CHD6: variants seen among roughly 807,000 people sequenced by gnomAD.
CHD6 encodes ATP-dependent chromatin remodeler CHD6.
A neutral mutation model predicts 276.9 loss-of-function variants in CHD6; 50 were observed. The ratio of observed to expected loss-of-function variants is 0.18; its 90% CI spans 0.14 to 0.23. CHD6 has a LOEUF of 0.23. CHD6 is among the 10% of genes least tolerant of loss of function. The pLI, the probability that CHD6 is intolerant of heterozygous loss-of-function variation, is 1.00. For synonymous variants in CHD6, 1,173 were observed against 1,229.3 expected, an observed-to-expected ratio of 0.95 and a Z score of 0.96; for missense variants, 2,564 against 3,365.8, an observed-to-expected ratio of 0.76 and a Z score of 5.89.
chr20:41,446,599 C>T (rs1287465214), intron 24 of CHD6, among the ~76,000 whole-genome samples: 1 of 152,184 alleles, frequency 6.6e-6, no homozygotes, highest in Non-Finnish European at 1.5e-5. Context: ...CTTCTTCCGT[C>T]AGACTCTTAC....
At chr20:41,548,333 C>T (rs182386828) in intron 2 of CHD6, among the ~76,000 whole-genome samples, 20 of 152,242 alleles carry the variant, frequency 1.3e-4, no homozygotes, top group African/African-American at 4.8e-4. Flanking sequence ...AACAAAAACC[C>T]ATCCAACTGA....
intron 18 of CHD6, among the ~76,000 whole-genome samples, chr20:41,456,543 G>A (rs1179170780): frequency 6.6e-6 from 1 of 151,966 alleles, no homozygotes; most frequent in African/African-American, 2.4e-5. Flanking sequence ...TCAATCACAA[G>A]AGGGAATTCC....
intron 10 of CHD6, 92 bp from the exon 11 acceptor site, chr20:41,491,911 T>A: frequency 7.1e-7 from 1 of 1,411,104 alleles, no homozygotes; most frequent in Non-Finnish European, 9.9e-7. Context: ...AATCTCACTG[T>A]CCCAAGGCTG....
chr20:41,451,816 C>T lies in CHD6; in HGVS notation c.3523+10G>A. ...TCGTGCTTCTTAGGCATGGCCCTGCCACCTCTCACCTGAGTGGTTCTGGAG... is the reference window on the plus strand; with the variant it reads ...TCGTGCTTCTTAGGCATGGCCCTGCTACCTCTCACCTGAGTGGTTCTGGAG... On this transcript the variant is annotated intron_variant, in intron 22 of 36. Transcript: ENST00000373233. 3 of 1,613,536 alleles carry T rather than the reference C, an allele frequency of 1.9e-6. No individual in the cohort carries two copies. The highest frequency in any genetic ancestry group is 1.7e-6 in the Non-Finnish European group (2 of 1,179,458).
chr20:41,496,443 T>C (rs1442148171), intron 8 of CHD6, among the ~76,000 whole-genome samples: 1 of 152,188 alleles, frequency 6.6e-6, no homozygotes, highest in African/African-American at 2.4e-5. Flanking sequence ...TCTGCGCATG[T>C]GGGAAGTTGC....
At chr20:41,460,704 A>T (rs1010645687) in intron 17 of CHD6, among the ~76,000 whole-genome samples, 1 of 152,196 alleles carries the variant, frequency 6.6e-6, no homozygotes, top group South Asian at 2.1e-4. Flanking sequence ...TGTCCAAGCA[A>T]AAGTTTGCTG....
In CHD6 at chr20:41,404,169, T is replaced by C; in HGVS notation, c.*424A>G. ...CTGTGCTTTTTGGTTCCCTGTGACATTCTTCCTGTGCAACCCAGCTCACAG... is the reference window on the plus strand; with the variant it reads ...CTGTGCTTTTTGGTTCCCTGTGACACTCTTCCTGTGCAACCCAGCTCACAG... On this transcript the variant is annotated 3_prime_UTR_variant, in exon 37 of 37. Coordinates refer to ENST00000373233, the MANE Select transcript of CHD6 (RefSeq NM_032221.5). 1 of 1,062,550 alleles carries C rather than the reference T, an allele frequency of 9.4e-7. No homozygotes were observed. Among genetic ancestry groups the C allele is most frequent in the Non-Finnish European group, 1.1e-6 (1 of 878,182 alleles). The allele number at this position is 1,062,550 out of a possible 1,614,324, so 65.8% of individuals were successfully genotyped here.
intron 2 of CHD6, among the ~76,000 whole-genome samples, chr20:41,535,029 G>T (rs919893484): frequency 2.6e-5 from 4 of 151,970 alleles, no homozygotes; most frequent in Non-Finnish European, 4.4e-5. Flanking sequence ...AGCATGCAAG[G>T]GTGTACAGAC....
chr20:41,407,937 A>G (rs1048670220), intron 36 of CHD6, among the ~76,000 whole-genome samples: 18 of 152,202 alleles, frequency 1.2e-4, no homozygotes, highest in African/African-American at 3.9e-4. Context: ...TACTATCATC[A>G]TGCCTGCTTT....
Position 41,412,185 on chromosome 20 carries a change from C to T in CHD6, c.7210G>A (p.Glu2404Lys), listed in dbSNP as rs61292917. The change falls in exon 36 of 37, where the codon GAA (glutamate) becomes AAA (lysine). Residue 2404 changes from glutamate (E) to lysine (K), a missense_variant. By Grantham distance (56) the Glu-to-Lys change is moderately conservative (BLOSUM62 1). This residue lies in a region of CHD6 where 1,024 missense variants were observed against 1,047.9 expected (regional missense o/e 0.98). Coordinates refer to ENST00000373233, the MANE Select transcript of CHD6 (RefSeq NM_032221.5). The part of the protein sequence containing the change: ...GKLDVSSLSG[E>K]ERVPAIPKEP... ...TTGGGGATGGCAGGAACTCTCTCTT[C>T]CCCGCTCAGGGAGCTGACATCTAAT... is the stretch of plus-strand genomic sequence containing the variant. 1.2e-6 allele frequency: 2 copies of T among 1,614,208 alleles called. No individual in the cohort carries two copies. Among genetic ancestry groups the T allele is most frequent in the Non-Finnish European group, 1.7e-6 (2 of 1,180,034 alleles).
chr20:41,475,948 T>C (rs535248844), intron 16 of CHD6, among the ~76,000 whole-genome samples: 2 of 152,306 alleles, frequency 1.3e-5, no homozygotes, highest in South Asian at 4.1e-4. Context: ...ATGAATGGAA[T>C]AATTCTCTAT....
At chr20:41,552,052 G>A (rs2045155347) in intron 1 of CHD6, among the ~76,000 whole-genome samples, 1 of 152,080 alleles carries the variant, frequency 6.6e-6, no homozygotes, top group African/African-American at 2.4e-5. Flanking sequence ...TGTCTTTAGA[G>A]GTACAAAAGT....
At chr20:41,482,490 A>C (rs1416799166) in intron 16 of CHD6, 1 of 493,754 alleles carries the variant, frequency 2.0e-6, no homozygotes. Context: ...ACAGAATGTT[A>C]AAGAATAAGA....
At chr20:41,481,631 G>C (rs1402450827) in intron 16 of CHD6, among the ~76,000 whole-genome samples, 1 of 151,986 alleles carries the variant, frequency 6.6e-6, no homozygotes, top group Non-Finnish European at 1.5e-5. Context: ...CTTAACTAGA[G>C]GGCATTTTGG....
intron 3 of CHD6, among the ~76,000 whole-genome samples, chr20:41,521,938 A>G (rs1432309970): frequency 2.0e-5 from 3 of 152,258 alleles, no homozygotes; most frequent in African/African-American, 7.2e-5. Context: ...ACTGAAAACA[A>G]TAGGAATCCA....
chr20:41,614,009 TA>T lies in CHD6; in HGVS notation c.-24+4330del, dbSNP rs59802909. ...TTTACATAAAAACAATCTTAGAGTA[TA>T]AAAAAAAAAAAAATCTAAAACCAAA... On this transcript the variant is annotated intron_variant, in intron 1 of 36. Transcript: ENST00000373233. Among the ~76,000 whole-genome samples the T allele has an allele frequency of 4.9e-3, 634 of 130,702 alleles. 1 individual carries two copies. The highest frequency in any genetic ancestry group is 0.032 in the East Asian group (144 of 4,570). The allele number at this position is 130,702 out of a possible 152,430, so 85.7% of individuals were successfully genotyped here.
intron 12 of CHD6, among the ~76,000 whole-genome samples, chr20:41,489,512 C>G (rs1280918374): frequency 2.6e-5 from 4 of 152,166 alleles, no homozygotes; most frequent in Non-Finnish European, 4.4e-5. Flanking sequence ...ATAAAAGTAA[C>G]TTCATAAACC....
intron 1 of CHD6, among the ~76,000 whole-genome samples, chr20:41,577,559 C>T (rs1479231966): frequency 6.6e-6 from 1 of 152,212 alleles, no homozygotes; most frequent in Non-Finnish European, 1.5e-5. Flanking sequence ...AAAGGGAAAG[C>T]GCTAAACATT....
intron 35 of CHD6, among the ~76,000 whole-genome samples, 178 bp downstream of exon 35, chr20:41,413,146 G>GAATTTAATC (rs1286852902): frequency 1.3e-5 from 2 of 152,146 alleles, no homozygotes; most frequent in East Asian, 3.8e-4. Context: ...TATTACTGAA[G>GAATTTAATC]AATTTAATCA....
Sources: allele counts gnomAD v4.1 joint callset (sites outside exome capture counted in the v4.1 genomes callset), GRCh38; gene constraint gnomAD v4.1.1; regional missense constraint gnomAD v4.1.1; transcripts MANE v1.5; gene names NCBI Gene and HGNC (gene_info 2026-07-23, HGNC 2026-07-21).